The following TRAPPC11 variants were observed in gnomAD, a reference collection of about 807,000 sequenced individuals.
TRAPPC11 encodes foie gras homolog.
TRAPPC11 carries 104 observed loss-of-function variants against 151.2 expected under a neutral mutation model. That is an observed-to-expected ratio of 0.69 (90% CI 0.59 to 0.81). TRAPPC11 has a LOEUF of 0.81. TRAPPC11 is among the 30% of genes least tolerant of loss of function. TRAPPC11 has a pLI of 0.00. For synonymous variants in TRAPPC11, 456 were observed against 472.3 expected (o/e 0.97, Z 0.45); for missense variants, 1,230 against 1,349.6 (o/e 0.91, Z 1.39).
chr4:183,671,296 G>A lies in TRAPPC11; in HGVS notation c.560+3179G>A, dbSNP rs142270484. On this transcript the variant is annotated intron_variant, in intron 5 of 29. Coordinates refer to ENST00000334690, the MANE Select transcript of TRAPPC11 (RefSeq NM_021942.6). ...TTCATGCAGTTAGATTTTTGTCTCT[G>A]ATCTTCGTCTTTCCATAAATTAAAA... Among the ~76,000 whole-genome samples the A allele has an allele frequency of 2.8e-3, 420 of 152,310 alleles. 4 individuals carry two copies. Among genetic ancestry groups the A allele is most frequent in the African/African-American group, 9.7e-3 (405 of 41,562 alleles).
intron 23 of TRAPPC11, among the ~76,000 whole-genome samples, chr4:183,696,482 G>A (rs538181482): frequency 1.2e-3 from 178 of 152,060 alleles, no homozygotes; most frequent in African/African-American, 4.2e-3. Context: ...TGCAGCCTCC[G>A]ACTCCTGGGT....
At chr4:183,675,342 C>G (rs1352688032) in intron 7 of TRAPPC11, 105 bp downstream of exon 7, 10 of 574,632 alleles carry the variant, frequency 1.7e-5, no homozygotes, top group Non-Finnish European at 2.5e-5. Flanking sequence ...TTAAAGTGTT[C>G]ATATTGCTTA....
At chr4:183,702,120 G>T (rs541822695) in intron 26 of TRAPPC11, among the ~76,000 whole-genome samples, 4 of 152,226 alleles carry the variant, frequency 2.6e-5, no homozygotes, top group Middle Eastern at 3.4e-3. Flanking sequence ...TAGGTGGGAG[G>T]ATCGCTGGAG....
chr4:183,701,896 A>C, intron 26 of TRAPPC11, 88 bp downstream of exon 26: 1 of 918,446 alleles, frequency 1.1e-6, no homozygotes, highest in Admixed American at 1.9e-5. Context: ...AATATTTGAG[A>C]GTTTCTGTCA....
chr4:183,663,099 CT>C (rs1164824758), intron 1 of TRAPPC11, among the ~76,000 whole-genome samples: 1 of 152,096 alleles, frequency 6.6e-6, no homozygotes, highest in Non-Finnish European at 1.5e-5. Flanking sequence ...CAGAGTCTCA[CT>C]CTGTCACCCA....
At chr4:183,678,633 C>G (rs979027912) in intron 8 of TRAPPC11, among the ~76,000 whole-genome samples, 11 of 152,068 alleles carry the variant, frequency 7.2e-5, no homozygotes, top group Non-Finnish European at 1.5e-4. Flanking sequence ...CAATAGTTTT[C>G]TAGAAAGGCA....
chr4:183,694,562 G>A, intron 22 of TRAPPC11, 42 bp from the exon 23 acceptor site: 1 of 1,569,884 alleles, frequency 6.4e-7, no homozygotes. Flanking sequence ...AAGAAGAAAT[G>A]TCTGTAATAC....
intron 25 of TRAPPC11, among the ~76,000 whole-genome samples, chr4:183,698,493 G>T (rs576728165): frequency 6.6e-6 from 1 of 152,128 alleles, no homozygotes; most frequent in Non-Finnish European, 1.5e-5. Flanking sequence ...GAGCTTTAGG[G>T]TCAGACTGAA....
At position 183,691,403 on chromosome 4, in the gene TRAPPC11, C is replaced by G. The variant is rs764163856; in HGVS notation, c.1981C>G (p.Pro661Ala). The stretch of plus-strand genomic sequence containing the variant: ...GACTCAAGGAAAGATGTGCCTAGTT[C>G]CTGGCAAAACAAGAAAACTGTTATT... ...NLTQGKMCLV[P>A]GKTRKLLFKF... The change falls in exon 19 of 30, where the codon CCT (proline) becomes GCT (alanine). Residue 661 changes from proline (P) to alanine (A), a missense_variant. Coordinates refer to ENST00000334690, the MANE Select transcript of TRAPPC11 (RefSeq NM_021942.6). 27 of 1,552,716 alleles carry G rather than the reference C, an allele frequency of 1.7e-5. No individual in the cohort carries two copies. The South Asian group carries it at 3.2e-4, about 18-fold the overall frequency.
chr4:183,686,838 C>CTTAA, intron 18 of TRAPPC11, 90 bp downstream of exon 18: 6 of 1,425,654 alleles, frequency 4.2e-6, no homozygotes, highest in Non-Finnish European at 5.8e-6. Flanking sequence ...AATTTTATGT[C>CTTAA]TTAATGGTTT....
At chr4:183,665,103 T>TTG (rs1293670970) in intron 2 of TRAPPC11, among the ~76,000 whole-genome samples, 2 of 145,368 alleles carry the variant, frequency 1.4e-5, no homozygotes, top group African/African-American at 5.1e-5. Flanking sequence ...TTTTTTTTTT[T>TTG]TTTTTTTTTG....
intron 18 of TRAPPC11, among the ~76,000 whole-genome samples, chr4:183,690,725 T>C (rs768319465): frequency 1.3e-5 from 2 of 152,106 alleles, no homozygotes; most frequent in African/African-American, 2.4e-5. Flanking sequence ...CCAACACTTT[T>C]GAAGGCTGAG....
At chr4:183,672,640 G>C (rs982174023) in intron 5 of TRAPPC11, among the ~76,000 whole-genome samples, 1 of 152,168 alleles carries the variant, frequency 6.6e-6, no homozygotes, top group Non-Finnish European at 1.5e-5. Context: ...AGCCTGTTAC[G>C]GTTAAAGCGA....
rs1737416900 is a variant in TRAPPC11 at position 183,713,351 on chromosome 4, A to C, written c.*707A>C. 6.6e-6 allele frequency: 1 copy of C among 152,630 alleles called. No homozygotes were observed. 9.5% of individuals were successfully genotyped at this position (152,630 alleles called of 1,614,324 possible). On this transcript the variant is annotated 3_prime_UTR_variant, in exon 30 of 30. Coordinates refer to ENST00000334690, the MANE Select transcript of TRAPPC11 (RefSeq NM_021942.6). ...TTATAAACATAATTTCCTAGACTGA[A>C]AGTTTTTGGAAAAGATGCAGGGTCT...
At chr4:183,667,388 T>C (rs1311033801) in intron 4 of TRAPPC11, among the ~76,000 whole-genome samples, 1 of 152,234 alleles carries the variant, frequency 6.6e-6, no homozygotes, top group Non-Finnish European at 1.5e-5. Flanking sequence ...GGAAGGCATG[T>C]TCAATTCACA....
chr4:183,706,856 C>G lies in TRAPPC11; in HGVS notation c.3105C>G (p.His1035Gln), dbSNP rs776229259. 1.9e-6 allele frequency: 3 copies of G among 1,613,910 alleles called. No individual in the cohort carries two copies. In the East Asian group the frequency reaches 6.7e-5, roughly 36 times the overall value. Residue 1035 changes from histidine (H) to glutamine (Q), a missense_variant, in exon 28 of 30, where the codon CAC (histidine) becomes CAG (glutamine). Physicochemically the swap from His to Gln is conservative, Grantham distance 24. Coordinates refer to ENST00000334690, the MANE Select transcript of TRAPPC11 (RefSeq NM_021942.6). ...GAGAGTCGTTACCTGTCAAGTATCA[C>G]CTACAGAATAAGACCGACTTAGTTC... ...RVRESLPVKY[H>Q]LQNKTDLVQD...
intron 1 of TRAPPC11, among the ~76,000 whole-genome samples, chr4:183,661,606 T>C (rs561747829): frequency 5.6e-4 from 84 of 151,162 alleles, no homozygotes; most frequent in East Asian, 2.1e-3. Flanking sequence ...CTCCTGACCT[T>C]GTGATCCGCC....
intron 1 of TRAPPC11, among the ~76,000 whole-genome samples, chr4:183,663,034 C>T (rs1734637761): frequency 6.6e-6 from 1 of 152,102 alleles, no homozygotes; most frequent in Non-Finnish European, 1.5e-5. Flanking sequence ...TGCAGATACT[C>T]AAAGCCTTTT....
At chr4:183,680,039 A>T in intron 9 of TRAPPC11, 81 bp from the exon 10 acceptor site, 1 of 1,241,626 alleles carries the variant, frequency 8.1e-7, no homozygotes, top group Non-Finnish European at 1.1e-6. Context: ...TGCTGAGGTT[A>T]AGTTTCCCAG....
Sources: gnomAD v4.1 joint callset for allele counts (sites outside exome capture counted in the v4.1 genomes callset) on GRCh38, gnomAD v4.1.1 for gene constraint, MANE v1.5 for transcripts, NCBI Gene and HGNC (gene_info 2026-07-23, HGNC 2026-07-21) for gene names.